The following TMEM52B variants were observed in gnomAD, a reference collection of about 807,000 sequenced individuals.
TMEM52B encodes the protein chromosome 12 open reading frame 59.
TMEM52B carries 11 observed loss-of-function variants against 16.1 expected under a neutral mutation model. The ratio of observed to expected loss-of-function variants is 0.68; its 90% CI spans 0.43 to 1.13. TMEM52B has a LOEUF of 1.13. TMEM52B is among the 50% of genes most tolerant of loss of function. TMEM52B has a pLI of 0.00. For synonymous variants in TMEM52B, 101 were observed against 93.8 expected (o/e 1.08, Z -0.45); for missense variants, 243 against 230.4 (o/e 1.05, Z -0.35).
At chr12:10,173,555 G>T (rs376318374) in intron 1 of TMEM52B, among the ~76,000 whole-genome samples, 16 of 151,828 alleles carry the variant, frequency 1.1e-4, no homozygotes, top group Middle Eastern at 6.8e-3. Context: ...TGAGGGGGGG[G>T]GTGGATCACT....
chr12:10,173,579 C>T (rs1043616340), intron 1 of TMEM52B, among the ~76,000 whole-genome samples: 7 of 151,286 alleles, frequency 4.6e-5, no homozygotes, highest in African/African-American at 9.7e-5. Context: ...GTCAGGAGTT[C>T]GAGACCAGCC....
At chr12:10,189,016 C>CAAAAAAAAAAAAA (rs869240234) in intron 4 of TMEM52B, among the ~76,000 whole-genome samples, 2 of 56,500 alleles carry the variant, frequency 3.5e-5, no homozygotes, top group African/African-American at 1.6e-4. Context: ...GACTCCGTCT[C>CAAAAAAAAAAAAA]AAAAAAAAAA....
intron 1 of TMEM52B, among the ~76,000 whole-genome samples, 159 bp downstream of exon 1, chr12:10,179,787 G>A (rs1157001409): frequency 1.3e-5 from 2 of 152,170 alleles, no homozygotes; most frequent in African/African-American, 4.8e-5. Flanking sequence ...TTAGTATTAC[G>A]AGATTGCATA....
Position 10,186,534 on chromosome 12 carries a change from T to C in TMEM52B, c.252T>C (p.Cys84=), listed in dbSNP as rs754938577. The C allele has an allele frequency of 6.2e-7, 1 of 1,609,416 alleles. No homozygotes were observed. Among genetic ancestry groups the C allele is most frequent in the East Asian group, 2.2e-5 (1 of 44,826 alleles). Residue 84 remains cysteine, a synonymous_variant, in exon 4 of 5, where the codon TGT becomes TGC. Coordinates refer to ENST00000543484, the MANE Select transcript of TMEM52B (RefSeq NM_001384896.1). ...QNGEDGGPPP[C]EVTVIAFDHD... is the part of the protein sequence containing the mutation. ...GGGAAGATGGGGGCCCACCACCCTG[T>C]GAAGTGACCGTCATTGCTTTCGATC...
intron 2 of TMEM52B, among the ~76,000 whole-genome samples, chr12:10,184,825 G>A (rs1353860075): frequency 6.7e-6 from 1 of 149,738 alleles, no homozygotes; most frequent in Non-Finnish European, 1.5e-5. Flanking sequence ...TGCATTCCAA[G>A]TTCTTTCTTA....
chr12:10,174,048 TTTTGTTTG>T (rs35635554), upstream of TMEM52B, among the ~76,000 whole-genome samples: 11 of 150,512 alleles, frequency 7.3e-5, no homozygotes, highest in East Asian at 1.2e-3. Context: ...ATTTCATGTG[TTTTGTTTG>T]TTTGTTTGTT....
chr12:10,179,556 GA>G lies in TMEM52B; in HGVS notation c.-17del. 1 of 1,614,182 alleles carries G rather than the reference GA, an allele frequency of 6.2e-7. No homozygotes were observed. The highest frequency in any genetic ancestry group is 8.5e-7 in the Non-Finnish European group (1 of 1,180,008). On this transcript the variant is annotated 5_prime_UTR_variant, in exon 1 of 5. Transcript: ENST00000543484. Reference sequence around the variant, plus strand: ...CGGATGCCCAGTGCAAGATTCTGAAGAAGCAGGAATTCAGCCCGATGGGAGT... The same window carrying G: ...CGGATGCCCAGTGCAAGATTCTGAAGAGCAGGAATTCAGCCCGATGGGAGT...
chr12:10,175,328 A>C (rs534228440), upstream of TMEM52B: 2 of 152,274 alleles, frequency 1.3e-5, no homozygotes, highest in East Asian at 3.9e-4. Flanking sequence ...TAGAGAAATA[A>C]ATTCTGCCTG....
At chr12:10,184,744 C>G (rs9668909) in intron 2 of TMEM52B, among the ~76,000 whole-genome samples, 5,057 of 152,140 alleles carry the variant, frequency 0.033, 257 homozygotes, top group African/African-American at 0.12. Context: ...TTTATGTTTA[C>G]ATTTTATTGA....
In TMEM52B at chr12:10,190,484, C is replaced by G. The variant is rs1948945539; in HGVS notation, c.*344C>G. ...ACATGATACTGCAAGTTGTGTCTCT[C>G]TCTGTCAGCGAATCCACTGCGGTTA... On this transcript the variant is annotated 3_prime_UTR_variant, in exon 5 of 5. Transcript: ENST00000543484. 3.9e-6 allele frequency: 1 copy of G among 254,732 alleles called. No homozygotes were observed. Among genetic ancestry groups the G allele is most frequent in the African/African-American group, 2.2e-5 (1 of 45,654 alleles). The allele number at this position is 254,732 out of a possible 1,614,324, so 15.8% of individuals were successfully genotyped here. A position where few individuals can be genotyped will look rare whatever the true frequency, so the allele number is the denominator to read the frequency against.
At chr12:10,173,337 G>A (rs945203098) in intron 1 of TMEM52B, among the ~76,000 whole-genome samples, 2 of 151,830 alleles carry the variant, frequency 1.3e-5, no homozygotes, top group Admixed American at 6.6e-5. Flanking sequence ...AATACACAAA[G>A]GAAGAATGGA....
At chr12:10,186,230 A>G (rs1256369808) in intron 3 of TMEM52B, among the ~76,000 whole-genome samples, 190 bp from the exon 4 acceptor site, 1 of 152,218 alleles carries the variant, frequency 6.6e-6, no homozygotes, top group Non-Finnish European at 1.5e-5. Context: ...GACTTACTGC[A>G]GCTGACAAAA....
intron 4 of TMEM52B, among the ~76,000 whole-genome samples, chr12:10,188,329 C>T (rs1463858240): frequency 7.9e-5 from 12 of 151,320 alleles, no homozygotes; most frequent in Admixed American, 2.0e-4. Context: ...CGTGGTGGCA[C>T]GGGCTTGTAG....
At chr12:10,180,251 C>T (rs200412669) in intron 1 of TMEM52B, among the ~76,000 whole-genome samples, 2 of 149,288 alleles carry the variant, frequency 1.3e-5, no homozygotes, top group East Asian at 2.0e-4. Flanking sequence ...GTATGGCCCC[C>T]GTACAGAGTG....
At chr12:10,186,046 A>G (rs1296354580) in intron 3 of TMEM52B, among the ~76,000 whole-genome samples, 2 of 152,064 alleles carry the variant, frequency 1.3e-5, no homozygotes, top group African/African-American at 2.4e-5. Context: ...TGTCTAAAAA[A>G]AAAAAAATTA....
chr12:10,179,449 A>T lies in TMEM52B; in HGVS notation c.-126A>T. 9.9e-7 allele frequency: 1 copy of T among 1,007,968 alleles called. No individual in the cohort carries two copies. The highest frequency in any genetic ancestry group is 2.4e-5 in the East Asian group (1 of 41,656). The allele number at this position is 1,007,968 out of a possible 1,614,324, so 62.4% of individuals were successfully genotyped here. On this transcript the variant is annotated 5_prime_UTR_variant, in exon 1 of 5. Coordinates refer to ENST00000543484, the MANE Select transcript of TMEM52B (RefSeq NM_001384896.1). Reference sequence around the variant, plus strand: ...GAGAGAACGAGAGAGAGAAAAGCTGATAAATTCCTGAGAAAAGTTTCTCTT... The same window carrying T: ...GAGAGAACGAGAGAGAGAAAAGCTGTTAAATTCCTGAGAAAAGTTTCTCTT...
chr12:10,186,561 C>CG lies in TMEM52B; in HGVS notation c.280dup (p.Asp94GlyfsTer46), dbSNP rs1276133421. 1.9e-5 allele frequency: 31 copies of CG among 1,603,742 alleles called. No homozygotes were observed. Among genetic ancestry groups the CG allele is most frequent in the Non-Finnish European group, 2.2e-5 (26 of 1,172,446 alleles). On this transcript the variant is annotated frameshift_variant, in exon 4 of 5. Transcript: ENST00000543484. LOFTEE classifies it high-confidence loss of function. ...AAGTGACCGTCATTGCTTTCGATCA[C>CG]GACAGCACTCTCCAGAGCACTATCA...
chr12:10,176,202 A>G (rs1948764340), upstream of TMEM52B, among the ~76,000 whole-genome samples: 1 of 152,124 alleles, frequency 6.6e-6, no homozygotes, highest in African/African-American at 2.4e-5. Context: ...CATTCCCTAT[A>G]TGGAGGCTTG....
intron 1 of TMEM52B, among the ~76,000 whole-genome samples, chr12:10,179,895 C>A (rs932303074): frequency 3.9e-5 from 6 of 152,110 alleles, no homozygotes; most frequent in Non-Finnish European, 5.9e-5. Flanking sequence ...TTAGAAGTGC[C>A]GCTGAAGTAT....
Sources: allele counts gnomAD v4.1 joint callset (sites outside exome capture counted in the v4.1 genomes callset), GRCh38; gene constraint gnomAD v4.1.1; transcripts MANE v1.5; gene names NCBI Gene and HGNC (gene_info 2026-07-23, HGNC 2026-07-21).